Variants in RBFOX1 observed in about 807,000 individuals in gnomAD.
The protein encoded by RBFOX1 is RNA binding protein fox-1 homolog 1.
A neutral mutation model predicts 57.7 loss-of-function variants in RBFOX1; 8 were observed. The ratio of observed to expected loss-of-function variants is 0.14; its 90% CI spans 0.08 to 0.25. The LOEUF (loss-of-function observed/expected upper bound fraction) is 0.25. RBFOX1 is among the 10% of genes least tolerant of loss of function. The pLI, the probability that RBFOX1 is intolerant of heterozygous loss-of-function variation, is 1.00. For missense variants in RBFOX1, 611 were observed against 548.5 expected, an observed-to-expected ratio of 1.11 and a Z score of -1.14; for synonymous variants, 326 against 222.4, an observed-to-expected ratio of 1.47 and a Z score of -4.15.
chr16:7,344,881 C>G (rs1332310084), intron 4 of RBFOX1, among the ~76,000 whole-genome samples: 1 of 152,202 alleles, frequency 6.6e-6, no homozygotes, highest in African/African-American at 2.4e-5. Flanking sequence ...GCCCGTACAA[C>G]CGACTCTGAG....
At chr16:5,483,632 C>T (rs1270938155) in intron 2 of RBFOX1, among the ~76,000 whole-genome samples, 1 of 152,182 alleles carries the variant, frequency 6.6e-6, no homozygotes, top group African/African-American at 2.4e-5. Flanking sequence ...TTTGTCTTTT[C>T]TAATGCTGTA....
chr16:7,585,695 A>AT (rs2094075779), intron 6 of RBFOX1, among the ~76,000 whole-genome samples: 1 of 152,190 alleles, frequency 6.6e-6, no homozygotes, highest in South Asian at 2.1e-4. Context: ...TTCAAGTGGC[A>AT]TATACATTTG....
chr16:7,293,542 C>G (rs982116905), intron 4 of RBFOX1, among the ~76,000 whole-genome samples: 1 of 152,090 alleles, frequency 6.6e-6, no homozygotes, highest in Non-Finnish European at 1.5e-5. Context: ...ATGTGTGGGT[C>G]TTTGTAATGG....
intron 4 of RBFOX1, among the ~76,000 whole-genome samples, chr16:7,149,898 C>A (rs569692415): frequency 1.8e-4 from 28 of 152,322 alleles, no homozygotes; most frequent in South Asian, 4.1e-4. Context: ...CTCACTGTCT[C>A]ATCTAAACTC....
intron 3 of RBFOX1, among the ~76,000 whole-genome samples, chr16:6,703,418 A>T (rs150804343): frequency 3.9e-5 from 6 of 152,100 alleles, no homozygotes; most frequent in Non-Finnish European, 8.8e-5. Context: ...TACAGAAAAT[A>T]TAAAAAATAT....
chr16:6,088,121 A>T (rs566556783), intron 1 of RBFOX1, among the ~76,000 whole-genome samples: 3 of 152,222 alleles, frequency 2.0e-5, no homozygotes, highest in African/African-American at 4.8e-5. Flanking sequence ...CAACCTCATC[A>T]TCTGTAACGG....
intron 4 of RBFOX1, among the ~76,000 whole-genome samples, chr16:7,322,910 G>A (rs890017551): frequency 6.6e-6 from 1 of 152,100 alleles, no homozygotes; most frequent in African/African-American, 2.4e-5. Flanking sequence ...CCATTTCCAT[G>A]TACCTCTGAC....
At chr16:6,806,182 A>G (rs1603627156) in intron 3 of RBFOX1, among the ~76,000 whole-genome samples, 1 of 152,166 alleles carries the variant, frequency 6.6e-6, no homozygotes, top group South Asian at 2.1e-4. Flanking sequence ...ACAGGTCACA[A>G]TATAAGAGAA....
intron 1 of RBFOX1, among the ~76,000 whole-genome samples, chr16:6,281,542 G>A (rs990798568): frequency 6.6e-6 from 1 of 152,116 alleles, no homozygotes; most frequent in Non-Finnish European, 1.5e-5. Context: ...TCATTGCAGG[G>A]GAGAGGAAGA....
At chr16:5,628,379 C>G (rs774620670) in intron 3 of RBFOX1, among the ~76,000 whole-genome samples, 1 of 152,038 alleles carries the variant, frequency 6.6e-6, no homozygotes, top group Non-Finnish European at 1.5e-5. Flanking sequence ...GTATCCTGGG[C>G]ACATTCTCCA....
intron 4 of RBFOX1, among the ~76,000 whole-genome samples, chr16:7,059,940 A>G (rs915154484): frequency 2.0e-5 from 3 of 152,194 alleles, no homozygotes; most frequent in Non-Finnish European, 2.9e-5. Flanking sequence ...TTGTATGAAA[A>G]CACGATTCAA....
intron 2 of RBFOX1, among the ~76,000 whole-genome samples, chr16:5,578,547 A>C (rs536608552): frequency 1.3e-5 from 2 of 152,326 alleles, no homozygotes; most frequent in South Asian, 4.1e-4. Context: ...ACGAAAAACC[A>C]CTGGGAGATC....
intron 1 of RBFOX1, among the ~76,000 whole-genome samples, chr16:6,138,970 T>C (rs898076642): frequency 3.3e-5 from 5 of 152,198 alleles, no homozygotes; most frequent in Non-Finnish European, 7.4e-5. Flanking sequence ...GAGGGAGTCA[T>C]ACAAATGTGT....
chr16:5,887,831 C>T (rs1019662323), intron 4 of RBFOX1, among the ~76,000 whole-genome samples: 1 of 152,136 alleles, frequency 6.6e-6, no homozygotes. Context: ...TCTTTGTGCT[C>T]TTTTTAGGAG....
intron 1 of RBFOX1, among the ~76,000 whole-genome samples, chr16:6,278,580 G>C (rs1392837822): frequency 2.0e-5 from 3 of 151,678 alleles, no homozygotes; most frequent in African/African-American, 7.3e-5. Context: ...TTTCTCTTTT[G>C]AGCTTTTTCG....
At chr16:5,247,947 C>T (rs968604994) in intron 1 of RBFOX1, among the ~76,000 whole-genome samples, 18 of 152,182 alleles carry the variant, frequency 1.2e-4, no homozygotes, top group African/African-American at 4.3e-4. Context: ...GGGGTTTCCT[C>T]ACCATGTGGC....
In RBFOX1 at chr16:7,224,259, C is replaced by T. The variant is rs368557649; in HGVS notation, c.27+172161C>T. ...TTATAAAATGGCTTCTTTTAGTCAT[C>T]GTACAAGCCAGCAGTTATGGACAGT... On this transcript the variant is annotated intron_variant, in intron 4 of 15. Transcript: ENST00000550418. 1.1e-4 allele frequency among the ~76,000 whole-genome samples: 16 copies of T among 150,802 alleles called. No homozygotes were observed. The South Asian group carries it at 1.9e-3, about 18-fold the overall frequency.
chr16:5,510,124 C>G (rs891407399), intron 2 of RBFOX1, among the ~76,000 whole-genome samples: 1 of 152,210 alleles, frequency 6.6e-6, no homozygotes, highest in African/African-American at 2.4e-5. Flanking sequence ...GCTGAACCTA[C>G]GAGCTGTGTA....
intron 1 of RBFOX1, among the ~76,000 whole-genome samples, chr16:6,190,960 C>T (rs1186405449): frequency 1.3e-5 from 2 of 152,070 alleles, no homozygotes; most frequent in Non-Finnish European, 2.9e-5. Context: ...TTGAGGCCGG[C>T]AGTCTAAATC....
Sources: allele counts gnomAD v4.1 joint callset (sites outside exome capture counted in the v4.1 genomes callset), GRCh38; gene constraint gnomAD v4.1.1; transcripts MANE v1.5; gene names NCBI Gene and HGNC (gene_info 2026-07-23, HGNC 2026-07-21).